TRIO: variants seen among roughly 807,000 people sequenced by gnomAD.
TRIO encodes trio Rho guanine nucleotide exchange factor.
TRIO carries 58 observed loss-of-function variants against 351.9 expected under a neutral mutation model. The ratio of observed to expected loss-of-function variants is 0.16; its 90% CI spans 0.13 to 0.21. TRIO has a LOEUF of 0.21. Ranked by LOEUF, TRIO falls within the 10% of genes least tolerant of loss-of-function variation. The pLI is 1.00. For missense variants in TRIO, 3,201 were observed against 4,027.8 expected (o/e 0.79, Z 5.56); for synonymous variants, 1,758 against 1,595.7 (o/e 1.10, Z -2.42).
At chr5:14,395,125 C>T (rs1048259300) in intron 28 of TRIO, among the ~76,000 whole-genome samples, 10 of 152,138 alleles carry the variant, frequency 6.6e-5, no homozygotes, top group African/African-American at 2.2e-4. Flanking sequence ...TCTTCTTTAC[C>T]CTTTTTGTTA....
At chr5:14,143,935 C>A in intron 1 of TRIO, 53 bp downstream of exon 1, 2 of 1,032,266 alleles carry the variant, frequency 1.9e-6, no homozygotes, top group Non-Finnish European at 2.3e-6. Flanking sequence ...AGCGCTCGGC[C>A]GACCCGCCGC....
chr5:14,186,023 T>C (rs1022379733), intron 1 of TRIO, among the ~76,000 whole-genome samples: 3 of 152,234 alleles, frequency 2.0e-5, no homozygotes, highest in Non-Finnish European at 2.9e-5. Context: ...GTGTTTTGAA[T>C]AGCTTGTTAA....
intron 34 of TRIO, among the ~76,000 whole-genome samples, chr5:14,427,489 T>C (rs1388982422): frequency 1.3e-5 from 2 of 152,224 alleles, no homozygotes; most frequent in African/African-American, 2.4e-5. Context: ...ACGCCGGTGC[T>C]GTTTCCCTGC....
intron 34 of TRIO, among the ~76,000 whole-genome samples, chr5:14,448,305 C>T (rs1246214636): frequency 6.6e-6 from 1 of 152,234 alleles, no homozygotes; most frequent in African/African-American, 2.4e-5. Context: ...GACCAGAGCC[C>T]AGAGTGCCGC....
At chr5:14,490,659 G>A (rs1247823784) in intron 48 of TRIO, among the ~76,000 whole-genome samples, 2 of 152,220 alleles carry the variant, frequency 1.3e-5, no homozygotes, top group African/African-American at 2.4e-5. Context: ...TGATAACCAC[G>A]CCCACTGGTG....
At chr5:14,270,685 ATGT>A in intron 1 of TRIO, 137 bp from the exon 2 acceptor site, 1 of 680,776 alleles carries the variant, frequency 1.5e-6, no homozygotes. Flanking sequence ...TGGAATTTAA[ATGT>A]TGTGCTATGA....
chr5:14,358,152 C>G, intron 11 of TRIO, 26 bp from the exon 12 acceptor site: 1 of 1,601,772 alleles, frequency 6.2e-7, no homozygotes, highest in South Asian at 1.1e-5. Context: ...GGCCGGCCGG[C>G]CTCACCCCCC....
intron 8 of TRIO, among the ~76,000 whole-genome samples, chr5:14,305,410 C>G (rs188988033): frequency 6.6e-6 from 1 of 152,104 alleles, no homozygotes; most frequent in Non-Finnish European, 1.5e-5. Context: ...GAGGTGAAGG[C>G]GAGGGGTGTA....
chr5:14,185,611 C>T (rs1436977162), intron 1 of TRIO, among the ~76,000 whole-genome samples: 1 of 152,144 alleles, frequency 6.6e-6, no homozygotes, highest in East Asian at 1.9e-4. Context: ...GGCCAAATGC[C>T]TAGGAAAGGG....
chr5:14,164,151 A>T (rs32595), intron 1 of TRIO, among the ~76,000 whole-genome samples: 3 of 152,094 alleles, frequency 2.0e-5, no homozygotes, highest in Non-Finnish European at 4.4e-5. Flanking sequence ...TCAGGATGAC[A>T]CATTCACGTG....
intron 1 of TRIO, among the ~76,000 whole-genome samples, chr5:14,150,752 G>C (rs1009651651): frequency 3.3e-5 from 5 of 152,162 alleles, no homozygotes; most frequent in Non-Finnish European, 5.9e-5. Flanking sequence ...AGTTAATTTG[G>C]AAAGATTTTA....
chr5:14,220,050 T>C (rs1322216332), intron 1 of TRIO, among the ~76,000 whole-genome samples: 1 of 119,112 alleles, frequency 8.4e-6, no homozygotes, highest in Non-Finnish European at 1.6e-5. Flanking sequence ...CTTCTTCTTC[T>C]TTTTTTTTTT....
At chr5:14,153,196 A>T (rs1448024485) in intron 1 of TRIO, among the ~76,000 whole-genome samples, 1 of 152,214 alleles carries the variant, frequency 6.6e-6, no homozygotes, top group Non-Finnish European at 1.5e-5. Context: ...GGAAAGTAGG[A>T]TGGCAGCCTT....
At chr5:14,394,197 T>A in intron 28 of TRIO, 67 bp downstream of exon 28, 1 of 1,026,924 alleles carries the variant, frequency 9.7e-7, no homozygotes, top group Non-Finnish European at 1.4e-6. Context: ...ATTTACTATA[T>A]ATTTATATAA....
At chr5:14,458,139 C>T (rs1040942961) in intron 34 of TRIO, among the ~76,000 whole-genome samples, 1 of 151,938 alleles carries the variant, frequency 6.6e-6, no homozygotes, top group Non-Finnish European at 1.5e-5. Flanking sequence ...GTCTCCCGAC[C>T]TCCCCACGGG....
chr5:14,344,728 G>A (rs1016728803), intron 11 of TRIO, among the ~76,000 whole-genome samples: 2 of 152,172 alleles, frequency 1.3e-5, no homozygotes, highest in Non-Finnish European at 2.9e-5. Flanking sequence ...TTGAACAACA[G>A]TAACTGCTTA....
At chr5:14,401,155 T>TTTG in intron 31 of TRIO, 91 bp downstream of exon 31, 1 of 1,090,264 alleles carries the variant, frequency 9.2e-7, no homozygotes, top group East Asian at 2.6e-5. Flanking sequence ...ATTATTATTA[T>TTTG]TTGTTGTTGT....
intron 1 of TRIO, among the ~76,000 whole-genome samples, chr5:14,257,585 CG>C (rs1795098832): frequency 1.3e-5 from 2 of 151,986 alleles, no homozygotes; most frequent in Non-Finnish European, 2.9e-5. Flanking sequence ...GGGGGACAGA[CG>C]GGGCGTGGGA....
chr5:14,172,455 G>A (rs1429955369), intron 1 of TRIO, among the ~76,000 whole-genome samples: 19 of 152,216 alleles, frequency 1.2e-4, no homozygotes, highest in Admixed American at 1.2e-3. Flanking sequence ...ACTTTCAAGT[G>A]GCAGTCAGAG....
Sources: allele counts gnomAD v4.1 joint callset (sites outside exome capture counted in the v4.1 genomes callset), GRCh38; gene constraint gnomAD v4.1.1; transcripts MANE v1.5; gene names NCBI Gene and HGNC (gene_info 2026-07-23, HGNC 2026-07-21).